AKR1D1: variants seen among roughly 807,000 people sequenced by gnomAD.
AKR1D1 encodes aldo-keto reductase family 1 member D1, also known as delta(4)-3-ketosteroid 5-beta-reductase.
In AKR1D1, 32 loss-of-function variants were observed where a neutral mutation model predicts 42.6. That is an observed-to-expected ratio of 0.75 (90% confidence interval 0.57 to 1.01). AKR1D1 has a LOEUF of 1.01. Among genes scored for constraint, AKR1D1 ranks in the 50% least tolerant of loss-of-function variants. The probability of loss-of-function intolerance (pLI) is 0.00; values close to 1 mark genes in which losing one functional copy is unlikely to be tolerated. For synonymous variants in AKR1D1, 123 were observed against 135.5 expected (o/e 0.91, Z 0.64); for missense variants, 364 against 402.2 (o/e 0.91, Z 0.81).
chr7:138,106,497 G>A, intron 5 of AKR1D1, 111 bp from the exon 6 acceptor site: 1 of 789,232 alleles, frequency 1.3e-6, no homozygotes, highest in East Asian at 2.7e-5. Context: ...ATAGTATGAA[G>A]GAGATTCTAT....
intron 1 of AKR1D1, among the ~76,000 whole-genome samples, chr7:138,084,095 G>A (rs559204989): frequency 6.6e-6 from 1 of 152,212 alleles, no homozygotes; most frequent in East Asian, 1.9e-4. Flanking sequence ...AGGGACTGGA[G>A]GTGGCCATAG....
rs1794675657 is a variant in AKR1D1 at position 138,118,033 on chromosome 7, A to T, written c.*1371A>T. Reference sequence around the variant, plus strand: ...GACTCCGTCTCAAAAACAAAAAAAAAAGAAAAGAAATATATTTTATTCATT... The same window carrying T: ...GACTCCGTCTCAAAAACAAAAAAAATAGAAAAGAAATATATTTTATTCATT... On this transcript the variant is annotated 3_prime_UTR_variant, in exon 9 of 9. Coordinates refer to ENST00000242375, the MANE Select transcript of AKR1D1 (RefSeq NM_005989.4). The T allele has an allele frequency of 6.6e-6, 1 of 152,200 alleles. No individual in the cohort carries two copies. The highest frequency in any genetic ancestry group is 2.1e-4 in the South Asian group (1 of 4,832). 9.4% of individuals were successfully genotyped at this position (152,200 alleles called of 1,614,324 possible). A position where few individuals can be genotyped will look rare whatever the true frequency, so the allele number is the denominator to read the frequency against.
intron 1 of AKR1D1, among the ~76,000 whole-genome samples, chr7:138,084,380 G>A (rs1585720971): frequency 2.0e-5 from 3 of 149,496 alleles, no homozygotes; most frequent in Admixed American, 6.7e-5. Context: ...CACCAGACCC[G>A]GCTAATTTCT....
At chr7:138,105,841 C>T (rs900615180) in intron 5 of AKR1D1, among the ~76,000 whole-genome samples, 1 of 151,878 alleles carries the variant, frequency 6.6e-6, no homozygotes, top group African/African-American at 2.4e-5. Flanking sequence ...GCCGAGATTG[C>T]GCCACTGCAC....
At position 138,113,735 on chromosome 7, in the gene AKR1D1, G is replaced by C. The variant is rs761365306; in HGVS notation, c.901G>C (p.Ala301Pro). ...TGAAGAAGAAATGAAGGACATTGAAGCCTTGAATAAAAATGTCCGCTTTGT... is the reference window on the plus strand; with the variant it reads ...TGAAGAAGAAATGAAGGACATTGAACCCTTGAATAAAAATGTCCGCTTTGT... Reference protein sequence around the residue: ...LTEEEMKDIEALNKNVRFVEL... With the variant: ...LTEEEMKDIEPLNKNVRFVEL... The change falls in exon 8 of 9, where the codon GCC (alanine) becomes CCC (proline). Residue 301 changes from alanine (A) to proline (P), a missense_variant. Coordinates refer to ENST00000242375, the MANE Select transcript of AKR1D1 (RefSeq NM_005989.4). 1 of 1,614,150 alleles carries C rather than the reference G, an allele frequency of 6.2e-7. No individual in the cohort carries two copies. The highest frequency in any genetic ancestry group is 8.5e-7 in the Non-Finnish European group (1 of 1,180,012).
intron 4 of AKR1D1, 85 bp from the exon 5 acceptor site, chr7:138,105,222 T>C: frequency 6.3e-7 from 1 of 1,593,006 alleles, no homozygotes; most frequent in South Asian, 1.1e-5. Flanking sequence ...CTTTCCTTTT[T>C]AAAGAATTCA....
At chr7:138,090,895 C>T (rs1339116238) in intron 2 of AKR1D1, among the ~76,000 whole-genome samples, 1 of 152,088 alleles carries the variant, frequency 6.6e-6, no homozygotes, top group Non-Finnish European at 1.5e-5. Context: ...CAAATAAGAA[C>T]AAAAGATCAG....
intron 1 of AKR1D1, among the ~76,000 whole-genome samples, chr7:138,083,762 G>T (rs79115045): frequency 6.6e-6 from 1 of 151,990 alleles, no homozygotes; most frequent in African/African-American, 2.4e-5. Context: ...GACTTTTTGT[G>T]TATGGTGTAA....
chr7:138,110,298 C>T (rs563000176), intron 7 of AKR1D1, among the ~76,000 whole-genome samples: 7 of 151,932 alleles, frequency 4.6e-5, no homozygotes, highest in Non-Finnish European at 8.8e-5. Context: ...AAAATAAAAA[C>T]TATGTAGTAA....
At chr7:138,089,051 G>T (rs1415979404) in intron 2 of AKR1D1, among the ~76,000 whole-genome samples, 1 of 151,928 alleles carries the variant, frequency 6.6e-6, no homozygotes, top group Non-Finnish European at 1.5e-5. Flanking sequence ...GAGAAAGAGG[G>T]TTTTAAAAAT....
At chr7:138,100,699 CTTTT>C (rs749956421) in intron 4 of AKR1D1, among the ~76,000 whole-genome samples, 61 of 88,402 alleles carry the variant, frequency 6.9e-4, no homozygotes, top group South Asian at 9.5e-4. Context: ...GTCAGAGATT[CTTTT>C]TTTTTTTTTT....
At chr7:138,098,535 G>T (rs1035578828) in intron 4 of AKR1D1, among the ~76,000 whole-genome samples, 6 of 152,192 alleles carry the variant, frequency 3.9e-5, no homozygotes, top group African/African-American at 1.2e-4. Flanking sequence ...GCTTGAACCT[G>T]GGAGGCAGAG....
At position 138,105,337 on chromosome 7, in the gene AKR1D1, G is replaced by T. The variant is rs1265066146; in HGVS notation, c.487G>T (p.Val163Leu). 2 of 1,614,024 alleles carry T rather than the reference G, an allele frequency of 1.2e-6. No homozygotes were observed. Among genetic ancestry groups the T allele is most frequent in the Non-Finnish European group, 1.7e-6 (2 of 1,180,034 alleles). ...AMEACKDAGL[V>L]KSLGVSNFNR... The stretch of plus-strand genomic sequence containing the variant: ...GGAAGCTTGCAAAGACGCTGGCTTG[G>T]TGAAATCCCTGGGAGTGTCCAATTT... The change falls in exon 5 of 9, where the codon GTG becomes TTG. Residue 163 changes from valine to leucine, a missense_variant. Coordinates refer to ENST00000242375, the MANE Select transcript of AKR1D1 (RefSeq NM_005989.4).
At chr7:138,105,545 A>G (rs2117460364) in intron 5 of AKR1D1, 116 bp downstream of exon 5, 5 of 1,442,850 alleles carry the variant, frequency 3.5e-6, no homozygotes, top group Admixed American at 1.8e-5. Flanking sequence ...AAATCTCATC[A>G]TGGGACCCTG....
intron 8 of AKR1D1, 139 bp from the exon 9 acceptor site, chr7:138,116,481 G>A: frequency 3.0e-6 from 3 of 987,256 alleles, no homozygotes; most frequent in East Asian, 2.4e-5. Flanking sequence ...AAACAGAAGA[G>A]GAAAGTAGGT....
intron 3 of AKR1D1, among the ~76,000 whole-genome samples, chr7:138,095,691 A>C (rs747510420): frequency 6.6e-6 from 1 of 151,982 alleles, no homozygotes; most frequent in Non-Finnish European, 1.5e-5. Context: ...ATGCCCGGCT[A>C]ATTTTTGTAT....
intron 7 of AKR1D1, 92 bp downstream of exon 7, chr7:138,107,672 A>G (rs937379746): frequency 7.9e-6 from 11 of 1,393,208 alleles, no homozygotes; most frequent in Non-Finnish European, 1.1e-5. Context: ...GAAACCTGTA[A>G]CACTCTCATA....
chr7:138,103,040 A>G (rs889762196), intron 4 of AKR1D1, among the ~76,000 whole-genome samples: 2 of 152,218 alleles, frequency 1.3e-5, no homozygotes, highest in East Asian at 3.8e-4. Context: ...ATTCCTCAAA[A>G]TGTACACTTC....
At chr7:138,087,270 T>A (rs963521903) in intron 1 of AKR1D1, among the ~76,000 whole-genome samples, 6 of 151,866 alleles carry the variant, frequency 4.0e-5, no homozygotes, top group Non-Finnish European at 4.4e-5. Context: ...CTTTTTATGG[T>A]GACATTAATC....
Sources: allele counts gnomAD v4.1 joint callset (sites outside exome capture counted in the v4.1 genomes callset), GRCh38; gene constraint gnomAD v4.1.1; transcripts MANE v1.5; gene names NCBI Gene and HGNC (gene_info 2026-07-23, HGNC 2026-07-21).